Variants in TNNI3K observed in about 807,000 individuals in gnomAD.
TNNI3K encodes the protein serine/threonine-protein kinase TNNI3K.
In TNNI3K, 140 loss-of-function variants were observed where a neutral mutation model predicts 114.5. The ratio of observed to expected loss-of-function variants is 1.22; its 90% CI spans 1.07 to 1.41. The LOEUF (loss-of-function observed/expected upper bound fraction) is 1.41, where lower values mean the gene tolerates loss of function less well. Among genes scored for constraint, TNNI3K ranks in the 40% most tolerant of loss-of-function variants. The pLI is 0.00. For missense variants in TNNI3K, 1,125 were observed against 1,007.6 expected (o/e 1.12, Z -1.58); for synonymous variants, 347 against 347.5 (o/e 1.00, Z 0.02).
chr1:74,446,228 C>A (rs1666665981), intron 20 of TNNI3K, among the ~76,000 whole-genome samples: 1 of 151,800 alleles, frequency 6.6e-6, no homozygotes, highest in Non-Finnish European at 1.5e-5. Flanking sequence ...TAATGATTGC[C>A]ATTCTAACTG....
At chr1:74,327,697 A>G (rs930360308) in intron 5 of TNNI3K, among the ~76,000 whole-genome samples, 1 of 146,554 alleles carries the variant, frequency 6.8e-6, no homozygotes, top group African/African-American at 2.5e-5. Context: ...TTATATAAAT[A>G]TATATTCTAT....
rs777714845 is a variant in TNNI3K, at chr1:74,436,464, T to C, written c.1826-10T>C. 2 of 1,573,276 alleles carry C rather than the reference T, an allele frequency of 1.3e-6. No individual in the cohort carries two copies. Among genetic ancestry groups the C allele is most frequent in the Non-Finnish European group, 1.7e-6 (2 of 1,168,984 alleles). ...TTCCTTTGACGTGATTTATTTTCTC[T>C]TTCCCTCAGAATCAAGATTTCTACA... On this transcript the variant is annotated splice_polypyrimidine_tract_variant and intron_variant, in intron 18 of 24. Transcript: ENST00000326637.
chr1:74,449,056 A>G (rs1349089603), intron 20 of TNNI3K, among the ~76,000 whole-genome samples: 52 of 130,676 alleles, frequency 4.0e-4, no homozygotes, highest in African/African-American at 1.5e-3. Flanking sequence ...TCCTCCTTGT[A>G]CCTCTGGTAG....
intron 17 of TNNI3K, among the ~76,000 whole-genome samples, chr1:74,392,476 G>T (rs550146195): frequency 1.3e-5 from 2 of 152,154 alleles, no homozygotes; most frequent in Admixed American, 6.5e-5. Context: ...TCACTAGACC[G>T]TGCTGTCCAT....
intron 5 of TNNI3K, among the ~76,000 whole-genome samples, chr1:74,315,568 A>G (rs1278519259): frequency 1.3e-5 from 2 of 150,696 alleles, no homozygotes; most frequent in African/African-American, 4.9e-5. Context: ...TTTTTTTTTT[A>G]ACTGGATTTG....
At chr1:74,299,076 TG>T (rs1170408058) in intron 5 of TNNI3K, among the ~76,000 whole-genome samples, 1 of 152,034 alleles carries the variant, frequency 6.6e-6, no homozygotes, top group Non-Finnish European at 1.5e-5. Flanking sequence ...ATATTAGAGG[TG>T]GAAAGAGACA....
At chr1:74,359,372 TG>T (rs528545957) in intron 11 of TNNI3K, among the ~76,000 whole-genome samples, 14 of 152,090 alleles carry the variant, frequency 9.2e-5, no homozygotes, top group African/African-American at 3.1e-4. Context: ...CCAAATTTCA[TG>T]GTCTTTCCTA....
chr1:74,372,190 C>A (rs1311739462), intron 17 of TNNI3K: 1 of 150,018 alleles, frequency 6.7e-6, no homozygotes, highest in African/African-American at 2.5e-5. Context: ...GTTCTTTAAT[C>A]AAAAATTATA....
intron 5 of TNNI3K, among the ~76,000 whole-genome samples, chr1:74,322,542 C>A (rs1056864827): frequency 1.1e-4 from 16 of 150,952 alleles, no homozygotes; most frequent in Non-Finnish European, 1.9e-4. Flanking sequence ...CTCACGGCAA[C>A]CTCCACCTCC....
At chr1:74,398,439 G>A (rs922738429) in intron 17 of TNNI3K, among the ~76,000 whole-genome samples, 4 of 152,184 alleles carry the variant, frequency 2.6e-5, no homozygotes, top group African/African-American at 9.7e-5. Context: ...AGTGTGTGGG[G>A]GTTGTGCGAC....
intron 4 of TNNI3K, among the ~76,000 whole-genome samples, chr1:74,252,922 C>T (rs985068007): frequency 2.0e-5 from 3 of 152,158 alleles, no homozygotes; most frequent in African/African-American, 7.2e-5. Flanking sequence ...TTCAGGCAGC[C>T]TGCTTTTATT....
intron 21 of TNNI3K, among the ~76,000 whole-genome samples, chr1:74,485,458 A>T (rs1668708039): frequency 6.6e-6 from 1 of 152,080 alleles, no homozygotes; most frequent in Non-Finnish European, 1.5e-5. Flanking sequence ...TTTTTCCAGG[A>T]TCTCCTCTCA....
intron 23 of TNNI3K, among the ~76,000 whole-genome samples, chr1:74,498,966 A>C (rs184683652): frequency 2.1e-4 from 32 of 152,372 alleles, no homozygotes; most frequent in Middle Eastern, 3.4e-3. Context: ...AATAAAAGCA[A>C]AACATAATAT....
At chr1:74,395,330 A>T (rs573210503) in intron 17 of TNNI3K, among the ~76,000 whole-genome samples, 1 of 23,152 alleles carries the variant, frequency 4.3e-5, no homozygotes, top group South Asian at 1.3e-3. Context: ...CTGGTGGCCT[A>T]TATGGGGAAC....
intron 23 of TNNI3K, among the ~76,000 whole-genome samples, chr1:74,539,646 G>A (rs1646702303): frequency 6.6e-6 from 1 of 152,072 alleles, no homozygotes; most frequent in Admixed American, 6.6e-5. Flanking sequence ...AAAAGATGAG[G>A]ATTTGAATCC....
intron 17 of TNNI3K, chr1:74,371,151 T>A (rs1662577017): frequency 6.6e-6 from 1 of 152,038 alleles, no homozygotes; most frequent in Non-Finnish European, 1.5e-5. Flanking sequence ...TCAATCACTT[T>A]CATTTTATGA....
chr1:74,466,863 G>A lies in TNNI3K; in HGVS notation c.2121+3313G>A, dbSNP rs1447915578. Among the ~76,000 whole-genome samples, 3 of 152,294 alleles carry A rather than the reference G, an allele frequency of 2.0e-5. No homozygotes were observed. The East Asian group carries it at 5.8e-4, about 29-fold the overall frequency. Reference sequence around the variant, plus strand: ...TGTATACCTCCTAGGATAGGGGAAAGGGATTCAATAGAGATGTAAACTCTT... The same window carrying A: ...TGTATACCTCCTAGGATAGGGGAAAAGGATTCAATAGAGATGTAAACTCTT... On this transcript the variant is annotated intron_variant, in intron 21 of 24. Coordinates refer to ENST00000326637, the MANE Select transcript of TNNI3K (RefSeq NM_015978.3).
At chr1:74,337,152 T>A (rs1220121605) in intron 7 of TNNI3K, among the ~76,000 whole-genome samples, 2 of 152,136 alleles carry the variant, frequency 1.3e-5, no homozygotes, top group Non-Finnish European at 2.9e-5. Flanking sequence ...TGTCTTCTTT[T>A]GAGAAGTGTC....
chr1:74,375,872 TA>T, intron 17 of TNNI3K: 1 of 255,454 alleles, frequency 3.9e-6, no homozygotes, highest in South Asian at 4.3e-5. Context: ...AAATCAAATC[TA>T]TCTAGGCACC....
Sources: gnomAD v4.1 joint callset for allele counts (sites outside exome capture counted in the v4.1 genomes callset) on GRCh38, gnomAD v4.1.1 for gene constraint, MANE v1.5 for transcripts, NCBI Gene and HGNC (gene_info 2026-07-23, HGNC 2026-07-21) for gene names.